Variants in ZNF423 observed in about 807,000 individuals in gnomAD.
The protein encoded by ZNF423 is zinc finger protein 423.
In ZNF423, 12 loss-of-function variants were observed where a neutral mutation model predicts 95.8. That is an observed-to-expected ratio of 0.13 (90% CI 0.08 to 0.20). The LOEUF (loss-of-function observed/expected upper bound fraction) is 0.20. Ranked by LOEUF, ZNF423 falls within the 10% of genes least tolerant of loss-of-function variation. The pLI, the probability that ZNF423 is intolerant of heterozygous loss-of-function variation, is 1.00. For synonymous variants in ZNF423, 749 were observed against 711.9 expected (o/e 1.05, Z -0.83); for missense variants, 1,316 against 1,737.1 (o/e 0.76, Z 4.31).
rs1160107758 is a variant in ZNF423 at position 49,531,359 on chromosome 16, T to C, written c.3602-5865A>G. On this transcript the variant is annotated intron_variant, in intron 5 of 7. Coordinates refer to ENST00000563137, the MANE Select transcript of ZNF423 (RefSeq NM_001379286.1). ...GTAAATGGGCGCGGTAAATGGTCCT[T>C]GGAGAGAGGAAGCATGGGAGCAAAG... is the stretch of plus-strand genomic sequence containing the variant. Among the ~76,000 whole-genome samples, 13 of 151,680 alleles carry C rather than the reference T, an allele frequency of 8.6e-5. 1 individual carries two copies. Among genetic ancestry groups the C allele is most frequent in the Admixed American group, 8.5e-4 (13 of 15,228 alleles).
chr16:49,495,145 G>T (rs2151647831), intron 7 of ZNF423, among the ~76,000 whole-genome samples: 1 of 152,330 alleles, frequency 6.6e-6, no homozygotes, highest in South Asian at 2.1e-4. Flanking sequence ...CACAGGTGTG[G>T]GCCAGAGAAG....
Position 49,636,133 on chromosome 16 carries a change from A to C in ZNF423, c.3043T>G (p.Cys1015Gly). 2 of 1,613,886 alleles carry C rather than the reference A, an allele frequency of 1.2e-6. No individual in the cohort carries two copies. Among genetic ancestry groups the C allele is most frequent in the Non-Finnish European group, 1.7e-6 (2 of 1,180,030 alleles). ...LQSEEEFIEH[C>G]QMHPDLRNSL... Reference sequence around the variant, plus strand: ...TTGCGCAGGTCAGGGTGCATCTGGCAGTGCTCAATAAACTCCTCCTCGCTC... The same window carrying C: ...TTGCGCAGGTCAGGGTGCATCTGGCCGTGCTCAATAAACTCCTCCTCGCTC... The change falls in exon 4 of 8, where the codon TGC becomes GGC. Residue 1015 changes from cysteine to glycine, a missense_variant. By Grantham distance (159) the Cys-to-Gly change is radical. Coordinates refer to ENST00000563137, the MANE Select transcript of ZNF423 (RefSeq NM_001379286.1). This position sits in a 1 kb window ranked among gnomAD's most constrained non-coding sequence, Gnocchi z 8.6.
chr16:49,772,519 C>G (rs2034053524), intron 2 of ZNF423, among the ~76,000 whole-genome samples: 1 of 152,220 alleles, frequency 6.6e-6, no homozygotes, highest in Non-Finnish European at 1.5e-5. Flanking sequence ...ACCCGTGGGT[C>G]AGGCACAGGC....
intron 5 of ZNF423, among the ~76,000 whole-genome samples, chr16:49,623,969 C>T (rs1283385838): frequency 6.6e-6 from 1 of 152,220 alleles, no homozygotes; most frequent in Non-Finnish European, 1.5e-5. Context: ...ACCTTGATGG[C>T]TGTACAAATT....
chr16:49,827,967 C>T (rs1473228958), intron 1 of ZNF423, among the ~76,000 whole-genome samples: 1 of 152,172 alleles, frequency 6.6e-6, no homozygotes, highest in Non-Finnish European at 1.5e-5. Context: ...TTTTTACACA[C>T]TTTCTTAGTG....
chr16:49,705,468 T>C (rs2032318862), intron 3 of ZNF423, among the ~76,000 whole-genome samples: 1 of 152,224 alleles, frequency 6.6e-6, no homozygotes, highest in South Asian at 2.1e-4. Context: ...AATGACTCTC[T>C]GGATCTCTAG....
intron 2 of ZNF423, among the ~76,000 whole-genome samples, chr16:49,762,608 A>G (rs976179358): frequency 5.9e-5 from 9 of 152,212 alleles, no homozygotes; most frequent in African/African-American, 2.2e-4. Flanking sequence ...CAATTTCCCC[A>G]GCATAAGAAG....
chr16:49,496,842 G>A (rs2070786305), intron 7 of ZNF423, among the ~76,000 whole-genome samples: 1 of 152,168 alleles, frequency 6.6e-6, no homozygotes, highest in Admixed American at 6.5e-5. Flanking sequence ...CAGAGGGACT[G>A]TTTGCTCCCT....
intron 5 of ZNF423, among the ~76,000 whole-genome samples, chr16:49,564,311 T>C (rs1970113336): frequency 6.7e-6 from 1 of 149,910 alleles, no homozygotes; most frequent in African/African-American, 2.4e-5. Flanking sequence ...CAAAAATAAG[T>C]ACATATCAAA....
intron 1 of ZNF423, among the ~76,000 whole-genome samples, chr16:49,839,059 C>T (rs2035154526): frequency 6.7e-6 from 1 of 150,352 alleles, no homozygotes; most frequent in East Asian, 2.0e-4. Context: ...CAGCCATCCC[C>T]CCTCTTCCCC....
chr16:49,592,626 T>C (rs992675830), intron 5 of ZNF423, among the ~76,000 whole-genome samples: 1 of 152,236 alleles, frequency 6.6e-6, no homozygotes, highest in African/African-American at 2.4e-5. Flanking sequence ...TGCCAGGGCA[T>C]CGCTGTAAAG....
chr16:49,654,798 T>C (rs999262231), intron 3 of ZNF423, among the ~76,000 whole-genome samples: 1 of 152,228 alleles, frequency 6.6e-6, no homozygotes, highest in African/African-American at 2.4e-5. Flanking sequence ...AGGCTGTCTC[T>C]AACTCCTCTC....
intron 7 of ZNF423, among the ~76,000 whole-genome samples, chr16:49,521,411 C>G (rs1968389127): frequency 6.6e-6 from 1 of 152,178 alleles, no homozygotes; most frequent in African/African-American, 2.4e-5. Flanking sequence ...TCAGGTAAGG[C>G]AGGTAGGATA....
chr16:49,742,295 G>C (rs1596955602), intron 2 of ZNF423, among the ~76,000 whole-genome samples: 1 of 152,112 alleles, frequency 6.6e-6, no homozygotes, highest in Non-Finnish European at 1.5e-5. Flanking sequence ...AACTACAGTG[G>C]GTCAGGAATG....
intron 1 of ZNF423, among the ~76,000 whole-genome samples, chr16:49,803,160 G>A (rs2034607506): frequency 6.6e-6 from 1 of 152,162 alleles, no homozygotes; most frequent in African/African-American, 2.4e-5. Context: ...TCAGGAGGCT[G>A]AGGCAGGAGG....
chr16:49,525,834 AT>A (rs1434480737), intron 5 of ZNF423, among the ~76,000 whole-genome samples: 1 of 152,218 alleles, frequency 6.6e-6, no homozygotes, highest in Non-Finnish European at 1.5e-5. Context: ...GAGGTACAGG[AT>A]GGAGAAGGTG....
At chr16:49,851,636 T>G (rs2035303221) in intron 1 of ZNF423, among the ~76,000 whole-genome samples, 1 of 152,218 alleles carries the variant, frequency 6.6e-6, no homozygotes, top group South Asian at 2.1e-4. Flanking sequence ...GCTGGCTGCT[T>G]CTTCTGAATT....
chr16:49,658,859 C>A (rs930834373), intron 3 of ZNF423, among the ~76,000 whole-genome samples: 2 of 152,230 alleles, frequency 1.3e-5, no homozygotes, highest in Non-Finnish European at 1.5e-5. Flanking sequence ...GAACCCCCGC[C>A]CCAGCACCCT....
At chr16:49,678,294 TTTTTG>T (rs59840165) in intron 3 of ZNF423, among the ~76,000 whole-genome samples, 23,727 of 111,036 alleles carry the variant, frequency 0.21, 2,932 homozygotes, top group African/African-American at 0.38. Context: ...AACTGTGAGG[TTTTTG>T]TTTTGTTTTG....
Sources: allele counts gnomAD v4.1 joint callset (sites outside exome capture counted in the v4.1 genomes callset), GRCh38; gene constraint gnomAD v4.1.1; non-coding constraint Gnocchi (gnomAD v3.1); transcripts MANE v1.5; gene names NCBI Gene and HGNC (gene_info 2026-07-23, HGNC 2026-07-21).